Variants in FAM13B observed in about 807,000 individuals in gnomAD.
The protein encoded by FAM13B is family with sequence similarity 13 member B, also known as protein FAM13B.
A neutral mutation model predicts 117.3 loss-of-function variants in FAM13B; 60 were observed. That is an observed-to-expected ratio of 0.51 (90% CI 0.42 to 0.63). The LOEUF (loss-of-function observed/expected upper bound fraction) is 0.63. FAM13B is among the 30% of genes least tolerant of loss of function. FAM13B has a pLI of 0.00. For synonymous variants in FAM13B, 332 were observed against 356.1 expected (o/e 0.93, Z 0.76); for missense variants, 972 against 1,091.9 (o/e 0.89, Z 1.55).
chr5:138,015,176 A>G (rs987649791), intron 4 of FAM13B, among the ~76,000 whole-genome samples: 17 of 152,224 alleles, frequency 1.1e-4, no homozygotes, highest in African/African-American at 4.1e-4. Flanking sequence ...CCTAAGGTAC[A>G]CAACTCCCCA....
chr5:137,991,914 T>C (rs765760268), intron 7 of FAM13B, among the ~76,000 whole-genome samples: 12 of 152,000 alleles, frequency 7.9e-5, no homozygotes, highest in South Asian at 2.1e-4. Flanking sequence ...AGTGATAAAT[T>C]TGATTAAAAT....
chr5:138,046,816 A>G (rs1791652876), intron 1 of FAM13B, among the ~76,000 whole-genome samples: 1 of 151,934 alleles, frequency 6.6e-6, no homozygotes, highest in African/African-American at 2.4e-5. Context: ...GCACAATCTC[A>G]GCTCACTGCA....
At chr5:137,988,218 A>G in intron 8 of FAM13B, 56 bp downstream of exon 8, 2 of 1,280,870 alleles carry the variant, frequency 1.6e-6, no homozygotes, top group Middle Eastern at 2.7e-4. Flanking sequence ...TCATTTCTAC[A>G]GCTTAGTAGT....
intron 1 of FAM13B, among the ~76,000 whole-genome samples, chr5:138,031,819 T>A (rs1487330634): frequency 1.3e-5 from 2 of 152,174 alleles, no homozygotes; most frequent in African/African-American, 4.8e-5. Flanking sequence ...ATTTCAAGGT[T>A]ACCAAAAAAG....
Position 138,007,011 on chromosome 5 carries a change from G to C in FAM13B, c.827C>G (p.Ser276Ter). The C allele has an allele frequency of 6.2e-7, 1 of 1,609,160 alleles. No homozygotes were observed. Among genetic ancestry groups the C allele is most frequent in the East Asian group, 2.2e-5 (1 of 44,728 alleles). ...QLRMTENILE[S>*]NSVTATSTHI... ...TTACCTTGTTGCCGTAACACTATTT[G>C]ATTCCAGGATGTTTTCAGTCATCCT... The change falls in exon 7 of 24, where the codon TCA becomes TGA. Residue 276 changes from serine (S) to a stop codon, truncating the protein, a stop_gained. Coordinates refer to ENST00000689681, the MANE Select transcript of FAM13B (RefSeq NM_001385994.1). LOFTEE classifies it high-confidence loss of function.
At chr5:137,956,565 A>C in intron 13 of FAM13B, 23 bp from the exon 14 acceptor site, 1 of 1,550,918 alleles carries the variant, frequency 6.4e-7, no homozygotes, top group Non-Finnish European at 8.8e-7. Flanking sequence ...AAAAAATGGC[A>C]AAAAATACTA....
chr5:137,954,249 G>A lies in FAM13B; in HGVS notation c.1635C>T (p.Arg545=), dbSNP rs140270530. ...GCTGGCTTTGACCAAAATCTAAACTGCGGTGTGATAATACTGGAGGACAGT... is the reference window on the plus strand; with the variant it reads ...GCTGGCTTTGACCAAAATCTAAACTACGGTGTGATAATACTGGAGGACAGT... ...EEDCPPVLSH[R]SLDFGQSQRF... Residue 545 remains arginine (R), a synonymous_variant, in exon 15 of 24, where the codon CGC becomes CGT. Coordinates refer to ENST00000689681, the MANE Select transcript of FAM13B (RefSeq NM_001385994.1). The A allele has an allele frequency of 1.7e-3, 2,802 of 1,613,976 alleles. 3 individuals carry two copies. The highest frequency in any genetic ancestry group is 1.8e-3 in the Non-Finnish European group (2,147 of 1,179,978).
chr5:137,972,412 C>T (rs1297698712), intron 10 of FAM13B, among the ~76,000 whole-genome samples: 1 of 151,962 alleles, frequency 6.6e-6, no homozygotes, highest in South Asian at 2.1e-4. Flanking sequence ...ATTCAACAAC[C>T]TTCATGCTAA....
At chr5:138,025,342 G>A (rs1320421896) in intron 1 of FAM13B, among the ~76,000 whole-genome samples, 1 of 121,776 alleles carries the variant, frequency 8.2e-6, no homozygotes, top group African/African-American at 3.3e-5. Flanking sequence ...TTGAGTTGAG[G>A]TCTCACCCTG....
chr5:138,016,258 T>C (rs1785235468), intron 4 of FAM13B, among the ~76,000 whole-genome samples: 1 of 152,184 alleles, frequency 6.6e-6, no homozygotes, highest in Non-Finnish European at 1.5e-5. Flanking sequence ...CAGAAAGTTG[T>C]GTCTTTGAAG....
intron 1 of FAM13B, among the ~76,000 whole-genome samples, chr5:138,048,940 CTTTTTT>C (rs35414064): frequency 1.6e-5 from 2 of 122,460 alleles, no homozygotes; most frequent in Non-Finnish European, 3.3e-5. Context: ...TGATACATTT[CTTTTTT>C]TTTTTTTTTT....
At chr5:137,965,762 T>C (rs1195308997) in intron 10 of FAM13B, among the ~76,000 whole-genome samples, 1 of 152,198 alleles carries the variant, frequency 6.6e-6, no homozygotes, top group Non-Finnish European at 1.5e-5. Context: ...CTTGACTATC[T>C]ACTAGAGTTT....
chr5:138,050,464 A>G (rs6873072), intron 1 of FAM13B, among the ~76,000 whole-genome samples: 26,843 of 133,218 alleles, frequency 0.2, 2,520 homozygotes, highest in African/African-American at 0.24. Flanking sequence ...CAAACAAACA[A>G]ACAGACAAAA....
chr5:138,034,995 C>CTTTTTTTTTTTTT (rs557807234), upstream of FAM13B, among the ~76,000 whole-genome samples: 1,195 of 34,364 alleles, frequency 0.035, 414 homozygotes, highest in East Asian at 0.14. Flanking sequence ...ATTCCCTTGC[C>CTTTTTTTTTTTTT]TTTTTTTTTT....
intron 7 of FAM13B, among the ~76,000 whole-genome samples, chr5:138,003,813 C>T (rs1781863368): frequency 6.6e-6 from 1 of 152,344 alleles, no homozygotes; most frequent in Non-Finnish European, 1.5e-5. Flanking sequence ...TAGCCACATG[C>T]TGAAGAGATT....
intron 11 of FAM13B, among the ~76,000 whole-genome samples, chr5:137,960,632 T>C (rs1767881315): frequency 6.6e-6 from 1 of 152,192 alleles, no homozygotes; most frequent in African/African-American, 2.4e-5. Flanking sequence ...TTTAAAAAGG[T>C]ATCACTATGT....
chr5:138,021,176 G>T lies in FAM13B; in HGVS notation c.-181C>A, dbSNP rs369399466. ...TCCTCATTGAAGAAATGCAGAACTC[G>T]ATCAGTACTTCAGCAGTTAATCTAC... is the stretch of plus-strand genomic sequence containing the variant. On this transcript the variant is annotated 5_prime_UTR_variant, in exon 2 of 24. Transcript: ENST00000689681. 3 of 1,231,608 alleles carry T rather than the reference G, an allele frequency of 2.4e-6. No individual in the cohort carries two copies. The highest frequency in any genetic ancestry group is 3.2e-5 in the East Asian group (1 of 31,690). 76.3% of individuals were successfully genotyped at this position (1,231,608 alleles called of 1,614,324 possible).
intron 2 of FAM13B, chr5:138,020,003 A>G (rs777169736): frequency 5.1e-6 from 5 of 980,238 alleles, no homozygotes; most frequent in Non-Finnish European, 6.1e-6. Flanking sequence ...ATAAAAAAGA[A>G]ATTTTTCATT....
chr5:138,007,575 C>T (rs1202840656), intron 6 of FAM13B, among the ~76,000 whole-genome samples: 1 of 151,500 alleles, frequency 6.6e-6, no homozygotes, highest in Non-Finnish European at 1.5e-5. Context: ...AAAAGAAGCG[C>T]AAAAAAAATG....
Sources: allele counts gnomAD v4.1 joint callset (sites outside exome capture counted in the v4.1 genomes callset), GRCh38; gene constraint gnomAD v4.1.1; transcripts MANE v1.5; gene names NCBI Gene and HGNC (gene_info 2026-07-23, HGNC 2026-07-21).